The following SMAD3 variants were observed in gnomAD, a reference collection of about 807,000 sequenced individuals.
SMAD3 encodes MAD homolog 3.
Under a neutral mutation model 51.8 loss-of-function variants are expected in SMAD3, and 12 were observed. That is an observed-to-expected ratio of 0.23 (90% CI 0.15 to 0.38). SMAD3 has a LOEUF of 0.38. SMAD3 is among the 10% of genes least tolerant of loss of function. SMAD3 has a pLI of 1.00. For missense variants in SMAD3, 294 were observed against 565.6 expected (o/e 0.52, Z 4.87); for synonymous variants, 238 against 227.7 (o/e 1.05, Z -0.41).
At chr15:67,073,881 C>G (rs1386141166) in intron 1 of SMAD3, among the ~76,000 whole-genome samples, 1 of 152,200 alleles carries the variant, frequency 6.6e-6, no homozygotes, top group African/African-American at 2.4e-5. Context: ...CCATGTTGGC[C>G]AGGCTGGTCT....
intron 1 of SMAD3, among the ~76,000 whole-genome samples, chr15:67,110,972 C>T (rs1393618439): frequency 2.0e-5 from 3 of 152,180 alleles, no homozygotes; most frequent in South Asian, 4.1e-4. Context: ...TTCAGTAAAC[C>T]TTTTGAAAAA....
chr15:67,188,571 G>C (rs4776902), intron 8 of SMAD3, among the ~76,000 whole-genome samples: 1 of 152,194 alleles, frequency 6.6e-6, no homozygotes, highest in African/African-American at 2.4e-5. Context: ...CAAAGTTTGC[G>C]GAGAGGCAGG....
At position 67,166,173 on chromosome 15, in the gene SMAD3, G is replaced by C. The variant is rs556105859; in HGVS notation, c.533-606G>C. The C allele has an allele frequency of 4.7e-5, 48 of 1,014,752 alleles. No individual in the cohort carries two copies. In the African/African-American group the frequency reaches 7.4e-4, roughly 16 times the overall value. 62.9% of individuals were successfully genotyped at this position (1,014,752 alleles called of 1,614,324 possible). A position where few individuals can be genotyped will look rare whatever the true frequency, so the allele number is the denominator to read the frequency against. Reference sequence around the variant, plus strand: ...GTCCAACCTTCTCAGATCCTTTGCGGGTAGCCCTGGCGTCCCGCGGGTAAG... The same window carrying C: ...GTCCAACCTTCTCAGATCCTTTGCGCGTAGCCCTGGCGTCCCGCGGGTAAG... On this transcript the variant is annotated intron_variant, in intron 3 of 8. Transcript: ENST00000327367.
chr15:67,170,777 G>A, intron 5 of SMAD3, 173 bp downstream of exon 5: 1 of 604,564 alleles, frequency 1.7e-6, no homozygotes, highest in South Asian at 2.0e-5. Context: ...ACGGAATGGG[G>A]AAACTTGAGA....
intron 1 of SMAD3, among the ~76,000 whole-genome samples, chr15:67,104,147 T>G (rs1960824735): frequency 6.6e-6 from 1 of 151,902 alleles, no homozygotes; most frequent in Non-Finnish European, 1.5e-5. Context: ...GCCCCCCATC[T>G]CCGCCCCCAA....
At chr15:67,084,657 TCTGCCCTCATGG>T (rs1381343923) in intron 1 of SMAD3, among the ~76,000 whole-genome samples, 1 of 152,146 alleles carries the variant, frequency 6.6e-6, no homozygotes, top group Non-Finnish European at 1.5e-5. Context: ...CACACATAGC[TCTGCCCTCATGG>T]AGCGTCCCAG....
chr15:67,150,847 C>A (rs982475592), intron 1 of SMAD3, among the ~76,000 whole-genome samples: 2 of 14,672 alleles, frequency 1.4e-4, no homozygotes, highest in South Asian at 4.6e-3. Flanking sequence ...ATTTCTCAGT[C>A]TTTTTTTTTT....
intron 1 of SMAD3, among the ~76,000 whole-genome samples, chr15:67,131,093 C>T (rs952594746): frequency 6.6e-6 from 1 of 152,242 alleles, no homozygotes; most frequent in East Asian, 1.9e-4. Context: ...TTCATGCAGT[C>T]ACTCACTCCA....
chr15:67,152,723 C>T (rs1029183955), intron 1 of SMAD3, among the ~76,000 whole-genome samples: 1 of 152,182 alleles, frequency 6.6e-6, no homozygotes, highest in African/African-American at 2.4e-5. Flanking sequence ...TTCCAGTAGT[C>T]ACAGACCAAC....
chr15:67,124,065 GC>G (rs1961328509), intron 1 of SMAD3, among the ~76,000 whole-genome samples: 2 of 152,130 alleles, frequency 1.3e-5, no homozygotes, highest in African/African-American at 2.4e-5. Context: ...ATAGCTTACT[GC>G]AGCCTCAAAC....
At chr15:67,066,403 GC>G (rs1214545593) in intron 1 of SMAD3, 43 bp downstream of exon 1, 4 of 1,555,116 alleles carry the variant, frequency 2.6e-6, no homozygotes, top group Non-Finnish European at 3.5e-6. Context: ...CGCCGGCCCA[GC>G]CCCCTGGCAC....
intron 1 of SMAD3, among the ~76,000 whole-genome samples, chr15:67,103,716 T>A (rs11071931): frequency 6.6e-6 from 1 of 152,130 alleles, no homozygotes; most frequent in East Asian, 1.9e-4. Flanking sequence ...CCTAAGCACA[T>A]AGCACAACAA....
intron 1 of SMAD3, among the ~76,000 whole-genome samples, chr15:67,108,861 G>A (rs576005910): frequency 5.1e-4 from 75 of 147,664 alleles, no homozygotes; most frequent in Admixed American, 4.4e-3. Context: ...CATTTGGAAA[G>A]AAAAAAAAAA....
chr15:67,085,689 A>C (rs1161322476), intron 1 of SMAD3, among the ~76,000 whole-genome samples: 1 of 152,100 alleles, frequency 6.6e-6, no homozygotes, highest in Non-Finnish European at 1.5e-5. Context: ...GAGACCAGTG[A>C]ATTTCAAATT....
rs191114875 is a variant in SMAD3 at position 67,192,341 on chromosome 15, T to C, written c.*1805T>C. On this transcript the variant is annotated 3_prime_UTR_variant, in exon 9 of 9. Coordinates refer to ENST00000327367, the MANE Select transcript of SMAD3 (RefSeq NM_005902.4). ...GACGGAAGGAGCACCTTGACAGACTTGTGTGAGTCTTCTCGAAGGAGGGTT... is the reference window on the plus strand; with the variant it reads ...GACGGAAGGAGCACCTTGACAGACTCGTGTGAGTCTTCTCGAAGGAGGGTT... The C allele has an allele frequency of 6.1e-4, 143 of 233,078 alleles. 1 individual carries two copies. Among genetic ancestry groups the C allele is most frequent in the African/African-American group, 3.0e-3 (137 of 45,420 alleles). 14.4% of individuals were successfully genotyped at this position (233,078 alleles called of 1,614,324 possible).
At chr15:67,130,441 G>A (rs375468921) in intron 1 of SMAD3, among the ~76,000 whole-genome samples, 22 of 152,190 alleles carry the variant, frequency 1.4e-4, no homozygotes, top group African/African-American at 5.3e-4. Context: ...CCAGAGCTCC[G>A]CCTCCTGTCA....
intron 4 of SMAD3, among the ~76,000 whole-genome samples, chr15:67,167,820 AGAG>A (rs761508263): frequency 2.0e-5 from 3 of 152,086 alleles, no homozygotes; most frequent in African/African-American, 4.8e-5. Flanking sequence ...TGTGGTTGGG[AGAG>A]GAGGAGAAGG....
At position 67,150,847 on chromosome 15, in the gene SMAD3, CTTTTTTTTTTTTTTTT is replaced by C. The variant is rs58914503; in HGVS notation, c.207-14037_207-14022del. ...TAAGAGAGCAAAGCTATTTCTCAGT[CTTTTTTTTTTTTTTTT>C]TTTTTTTTTTGAGATGGAGTCTCTC... is the stretch of plus-strand genomic sequence containing the variant. On this transcript the variant is annotated intron_variant, in intron 1 of 8. Coordinates refer to ENST00000327367, the MANE Select transcript of SMAD3 (RefSeq NM_005902.4). Among the ~76,000 whole-genome samples, 3 of 14,672 alleles carry C rather than the reference CTTTTTTTTTTTTTTTT, an allele frequency of 2.0e-4. No individual in the cohort carries two copies. The East Asian group carries it at 8.2e-3, about 40-fold the overall frequency. The allele number at this position is 14,672 out of a possible 152,430, so 9.6% of individuals were successfully genotyped here. A position where few individuals can be genotyped will look rare whatever the true frequency, so the allele number is the denominator to read the frequency against.
intron 1 of SMAD3, among the ~76,000 whole-genome samples, chr15:67,097,367 C>G (rs187739368): frequency 2.6e-5 from 4 of 152,226 alleles, no homozygotes; most frequent in Non-Finnish European, 5.9e-5. Context: ...AGGCACACAT[C>G]TCTATGCTGG....
Sources: gnomAD v4.1 joint callset for allele counts (sites outside exome capture counted in the v4.1 genomes callset) on GRCh38, gnomAD v4.1.1 for gene constraint, MANE v1.5 for transcripts, NCBI Gene and HGNC (gene_info 2026-07-23, HGNC 2026-07-21) for gene names.